PCED1A: variants seen among roughly 807,000 people sequenced by gnomAD.
PCED1A encodes the protein PC-esterase domain-containing protein 1A.
A neutral mutation model predicts 41.9 loss-of-function variants in PCED1A; 20 were observed. That is an observed-to-expected ratio of 0.48 (90% CI 0.34 to 0.69). The LOEUF is 0.69. Among genes scored for constraint, PCED1A ranks in the 30% least tolerant of loss-of-function variants. The pLI, the probability that PCED1A is intolerant of heterozygous loss-of-function variation, is 0.01. For missense variants in PCED1A, 498 were observed against 602.1 expected (o/e 0.83, Z 1.81); for synonymous variants, 236 against 241.3 (o/e 0.98, Z 0.20).
Position 2,840,052 on chromosome 20 carries a change from G to C in PCED1A, c.-21-119C>G. Reference sequence around the variant, plus strand: ...GAGGAGGTGACGGCAGCAGAGCCATGGTGGCGCCAGCCTTGGTCACACTTG... The same window carrying C: ...GAGGAGGTGACGGCAGCAGAGCCATCGTGGCGCCAGCCTTGGTCACACTTG... On this transcript the variant is annotated intron_variant, in intron 1 of 7. Coordinates refer to ENST00000360652, the MANE Select transcript of PCED1A (RefSeq NM_022760.6). 4 of 1,093,478 alleles carry C rather than the reference G, an allele frequency of 3.7e-6. No individual in the cohort carries two copies. The South Asian group carries it at 5.1e-5, about 14-fold the overall frequency. The allele number at this position is 1,093,478 out of a possible 1,614,324, so 67.7% of individuals were successfully genotyped here. A position where few individuals can be genotyped will look rare whatever the true frequency, so the allele number is the denominator to read the frequency against.
intron 2 of PCED1A, 63 bp downstream of exon 2, chr20:2,839,726 C>G: frequency 1.3e-6 from 2 of 1,594,970 alleles, no homozygotes; most frequent in Non-Finnish European, 8.6e-7. Flanking sequence ...ACAAATGGTC[C>G]AGACACACTG....
chr20:2,838,363 T>C lies in PCED1A; in HGVS notation c.710A>G (p.His237Arg). ...ATCCCGATGACGGTGCTGTACTGCA[T>C]GCCGGAAGTGAAAGTGGAGGTCTAG... ...DVLDLHFHFRHAVQHRHRDGV... is the reference protein window; with the variant it reads ...DVLDLHFHFRRAVQHRHRDGV... Residue 237 changes from histidine to arginine, a missense_variant, in exon 6 of 8, where the codon CAT (histidine) becomes CGT (arginine). Physicochemically the swap from His to Arg is conservative, Grantham distance 29. Coordinates refer to ENST00000360652, the MANE Select transcript of PCED1A (RefSeq NM_022760.6). This position sits in a 1 kb window ranked among gnomAD's most constrained non-coding sequence, Gnocchi z 5.8. 6.2e-7 allele frequency: 1 copy of C among 1,614,240 alleles called. No homozygotes were observed. The highest frequency in any genetic ancestry group is 8.5e-7 in the Non-Finnish European group (1 of 1,180,042).
At chr20:2,840,835 G>GGGGCCCCC (rs2088959222), upstream of PCED1A, 11 of 1,523,260 alleles carry the variant, frequency 7.2e-6, no homozygotes, top group African/African-American at 1.4e-5. Flanking sequence ...CCGGTGAGCT[G>GGGGCCCCC]CCCCGCCCTC....
Position 2,840,370 on chromosome 20 carries a change from T to C in PCED1A, c.-181A>G. 3.4e-6 allele frequency: 1 copy of C among 294,818 alleles called. No homozygotes were observed. The highest frequency in any genetic ancestry group is 6.4e-6 in the Non-Finnish European group (1 of 156,524). 18.3% of individuals were successfully genotyped at this position (294,818 alleles called of 1,614,324 possible). ...GCCCCGCAGAGACCGTGGGTCCAGG[T>C]TAGCCGTCGGTGCACAGCCCAGCGC... On this transcript the variant is annotated 5_prime_UTR_variant, in exon 1 of 8. Transcript: ENST00000360652.
At chr20:2,840,664 CGG>C, upstream of PCED1A, 1 of 1,221,172 alleles carries the variant, frequency 8.2e-7, no homozygotes, top group South Asian at 1.3e-5. Context: ...GTGATGGCCG[CGG>C]CGGCGGCCTC....
At chr20:2,837,094 C>T (rs926575232) in intron 6 of PCED1A, among the ~76,000 whole-genome samples, 2 of 152,198 alleles carry the variant, frequency 1.3e-5, no homozygotes, top group Non-Finnish European at 2.9e-5. Flanking sequence ...TTTTCATGGC[C>T]CTAACTTCTG....
intron 6 of PCED1A, among the ~76,000 whole-genome samples, chr20:2,837,265 C>T (rs193231060): frequency 2.6e-5 from 4 of 152,308 alleles, no homozygotes; most frequent in Admixed American, 2.6e-4. Flanking sequence ...CAACTCCTGG[C>T]TACCAAGTGT....
At chr20:2,837,493 G>A (rs1187892294) in intron 6 of PCED1A, among the ~76,000 whole-genome samples, 1 of 152,214 alleles carries the variant, frequency 6.6e-6, no homozygotes, top group Non-Finnish European at 1.5e-5. Context: ...CGATGCAGGG[G>A]AGAAGCAGCC....
In PCED1A at chr20:2,840,325, G is replaced by A. The variant is rs956096073; in HGVS notation, c.-136C>T. The A allele has an allele frequency of 4.0e-6, 1 of 249,284 alleles. No individual in the cohort carries two copies. Among genetic ancestry groups the A allele is most frequent in the Non-Finnish European group, 7.7e-6 (1 of 130,060 alleles). 15.4% of individuals were successfully genotyped at this position (249,284 alleles called of 1,614,324 possible). A position where few individuals can be genotyped will look rare whatever the true frequency, so the allele number is the denominator to read the frequency against. On this transcript the variant is annotated 5_prime_UTR_variant, in exon 1 of 8. Transcript: ENST00000360652. ...CATGTTCCCGCGCCCCAGTCGGCCA[G>A]TCGGTTCTGCAAAGCTCCCGCCCCG...
rs2088830834 is a variant in PCED1A at position 2,836,181 on chromosome 20, G to A, written c.975C>T (p.Pro325=). ...PSSLPPPMPF[P]YPLPQPSPPP... ...GTGGCGAGGGCTGAGGAAGCGGGTA[G>A]GGAAAAGGCATGGGAGGAGGCAAAG... The change falls in exon 7 of 8, where the codon CCC becomes CCT. Residue 325 remains proline, a synonymous_variant. Coordinates refer to ENST00000360652, the MANE Select transcript of PCED1A (RefSeq NM_022760.6). 1.2e-6 allele frequency: 2 copies of A among 1,611,634 alleles called. No individual in the cohort carries two copies. The highest frequency in any genetic ancestry group is 1.7e-6 in the Non-Finnish European group (2 of 1,178,274).
chr20:2,840,179 C>A (rs1464140081), intron 1 of PCED1A, 32 bp downstream of exon 1: 2 of 340,378 alleles, frequency 5.9e-6, no homozygotes, highest in South Asian at 7.3e-5. Flanking sequence ...GCCGCCGTCC[C>A]GCGCATGCGC....
At chr20:2,836,411 G>C in intron 6 of PCED1A, 97 bp from the exon 7 acceptor site, 1 of 1,100,792 alleles carries the variant, frequency 9.1e-7, no homozygotes, top group Non-Finnish European at 1.4e-6. Context: ...TCCTCTTGGA[G>C]AGCAGAGCCA....
chr20:2,840,063 C>T, intron 1 of PCED1A, 130 bp from the exon 2 acceptor site: 1 of 1,002,918 alleles, frequency 1.0e-6, no homozygotes, highest in Non-Finnish European at 1.4e-6. Flanking sequence ...GTGGCGCCAG[C>T]CTTGGTCACA....
chr20:2,837,114 A>G (rs936327716), intron 6 of PCED1A, among the ~76,000 whole-genome samples: 1 of 152,186 alleles, frequency 6.6e-6, no homozygotes, highest in African/African-American at 2.4e-5. Flanking sequence ...GTAGCTCCAA[A>G]TTGGATTTCA....
At chr20:2,837,890 CCT>C (rs1210951580) in intron 6 of PCED1A, among the ~76,000 whole-genome samples, 1 of 152,170 alleles carries the variant, frequency 6.6e-6, no homozygotes, top group African/African-American at 2.4e-5. Context: ...GCCCTTCCTC[CCT>C]GTCTTTCCAC....
rs2146623464 is a variant in PCED1A at position 2,839,882 on chromosome 20, G to A, written c.31C>T (p.Arg11Cys). The change falls in exon 2 of 8, where the codon CGC becomes TGC. Residue 11 changes from arginine (R) to cysteine (C), a missense_variant. Physicochemically the swap from Arg to Cys is radical, Grantham distance 180 (BLOSUM62 -3). Coordinates refer to ENST00000360652, the MANE Select transcript of PCED1A (RefSeq NM_022760.6). ...ACCATGTCGCTTCGCAGCGGGCGGC[G>A]CGGCTCCTCGCTCGACAGACAGAAG... Reference protein sequence around the residue: MVFCLSSEEPRRPLRSDMVHF... With the variant: MVFCLSSEEPCRPLRSDMVHF... The A allele has an allele frequency of 6.2e-7, 1 of 1,613,276 alleles. No individual in the cohort carries two copies. The highest frequency in any genetic ancestry group is 8.5e-7 in the Non-Finnish European group (1 of 1,179,866).
Position 2,838,272 on chromosome 20 carries a change from G to A in PCED1A, c.801C>T (p.Asp267=), listed in dbSNP as rs199678979. ...GCTTGGGCAGCTCCACGCCCCAGGC[G>A]TCAGCCACATGGGTCAGAAGCAGGT... ...LSHLLLTHVA[D]AWGVELPKRG... The change falls in exon 6 of 8, where the codon GAC becomes GAT. Residue 267 remains aspartate, a synonymous_variant. Transcript: ENST00000360652. This position sits in a 1 kb window ranked among gnomAD's most constrained non-coding sequence, Gnocchi z 5.8. The A allele has an allele frequency of 3.2e-5, 51 of 1,614,120 alleles. No individual in the cohort carries two copies. Among genetic ancestry groups the A allele is most frequent in the Admixed American group, 2.2e-4 (13 of 60,010 alleles).
chr20:2,840,549 G>A lies in PCED1A; in HGVS notation c.-360C>T. On this transcript the variant is annotated 5_prime_UTR_variant, in exon 1 of 8. Transcript: ENST00000360652. ...AAGGGAAAGCAAGGCGATGGAGGTG[G>A]CCGCCACAGGGCGCAGGAGCCAGGG... 1.8e-6 allele frequency: 1 copy of A among 569,078 alleles called. No homozygotes were observed. Among genetic ancestry groups the A allele is most frequent in the South Asian group, 2.1e-5 (1 of 48,208 alleles). 35.3% of individuals were successfully genotyped at this position (569,078 alleles called of 1,614,324 possible).
Position 2,838,862 on chromosome 20 carries a change from C to A in PCED1A, c.425G>T (p.Cys142Phe). 1 of 1,614,152 alleles carries A rather than the reference C, an allele frequency of 6.2e-7. No homozygotes were observed. The highest frequency in any genetic ancestry group is 1.1e-5 in the South Asian group (1 of 91,084). ...CCCCAACCTGGAGAGATCCCAGAGGCAGGAGTTGATGATCACCAGGTCCGG... is the reference window on the plus strand; with the variant it reads ...CCCCAACCTGGAGAGATCCCAGAGGAAGGAGTTGATGATCACCAGGTCCGG... The part of the protein sequence containing the change: ...PAPDLVIINS[C>F]LWDLSRYGRC... The change falls in exon 4 of 8, where the codon TGC becomes TTC. Residue 142 changes from cysteine to phenylalanine, a missense_variant. By Grantham distance (205) the Cys-to-Phe change is radical. Transcript: ENST00000360652. This position sits in a 1 kb window ranked among gnomAD's most constrained non-coding sequence, Gnocchi z 5.8.
Sources: gnomAD v4.1 joint callset for allele counts (sites outside exome capture counted in the v4.1 genomes callset) on GRCh38, gnomAD v4.1.1 for gene constraint, Gnocchi (gnomAD v3.1) non-coding constraint, MANE v1.5 for transcripts, NCBI Gene and HGNC (gene_info 2026-07-23, HGNC 2026-07-21) for gene names.